Variants in EFCAB6 observed in about 807,000 individuals in gnomAD.
EFCAB6 encodes the protein EF-hand calcium binding domain 6, also known as EF-hand calcium-binding domain-containing protein 6.
EFCAB6 carries 156 observed loss-of-function variants against 169.8 expected under a neutral mutation model. The observed-to-expected ratio is 0.92, with a 90% CI of 0.81 to 1.05. The LOEUF (loss-of-function observed/expected upper bound fraction) is 1.05, where lower values mean the gene tolerates loss of function less well. Ranked by LOEUF, EFCAB6 falls within the 50% of genes least tolerant of loss-of-function variation. The pLI is 0.00. For synonymous variants in EFCAB6, 698 were observed against 676.4 expected, an observed-to-expected ratio of 1.03 and a Z score of -0.50; for missense variants, 1,800 against 1,829.1, an observed-to-expected ratio of 0.98 and a Z score of 0.29.
intron 3 of EFCAB6, 93 bp downstream of exon 3, chr22:43,782,087 G>A (rs2061839891): frequency 7.9e-7 from 1 of 1,267,822 alleles, no homozygotes; most frequent in South Asian, 1.5e-5. Context: ...AGGATTAAAT[G>A]TCATATGAGT....
intron 11 of EFCAB6, among the ~76,000 whole-genome samples, chr22:43,684,761 A>G (rs1007299106): frequency 2.0e-5 from 3 of 152,180 alleles, no homozygotes; most frequent in Non-Finnish European, 4.4e-5. Context: ...TTCTTTTTCT[A>G]TAGACGGCCA....
chr22:43,562,472 C>T (rs986670170), intron 26 of EFCAB6, among the ~76,000 whole-genome samples: 1 of 152,038 alleles, frequency 6.6e-6, no homozygotes, highest in Non-Finnish European at 1.5e-5. Context: ...TAGGAATCAC[C>T]CAACAGGCTG....
intron 19 of EFCAB6, among the ~76,000 whole-genome samples, chr22:43,627,491 T>C (rs758915797): frequency 3.3e-5 from 5 of 152,236 alleles, no homozygotes; most frequent in Non-Finnish European, 7.3e-5. Flanking sequence ...AATTTGCTAA[T>C]GATGCAAAGT....
At chr22:43,688,880 C>T (rs960009855) in intron 10 of EFCAB6, among the ~76,000 whole-genome samples, 4 of 152,198 alleles carry the variant, frequency 2.6e-5, no homozygotes, top group African/African-American at 7.2e-5. Flanking sequence ...ACAGACTGCC[C>T]TGTTTTGATT....
At chr22:43,794,138 T>C (rs139081006) in intron 2 of EFCAB6, among the ~76,000 whole-genome samples, 43 of 152,266 alleles carry the variant, frequency 2.8e-4, no homozygotes, top group African/African-American at 9.4e-4. Flanking sequence ...CTGAAGTTGA[T>C]TGATAAGTAT....
chr22:43,586,138 G>A (rs2051047887), intron 24 of EFCAB6, among the ~76,000 whole-genome samples: 1 of 151,982 alleles, frequency 6.6e-6, no homozygotes. Context: ...GTTGATCAAT[G>A]GAGTAATAAT....
At chr22:43,577,007 T>C (rs1431623498) in intron 25 of EFCAB6, among the ~76,000 whole-genome samples, 1 of 152,168 alleles carries the variant, frequency 6.6e-6, no homozygotes, top group Non-Finnish European at 1.5e-5. Flanking sequence ...GGGACCACCC[T>C]GACCCCACCC....
intron 19 of EFCAB6, among the ~76,000 whole-genome samples, chr22:43,631,289 A>G (rs2054922856): frequency 1.4e-5 from 2 of 147,504 alleles, no homozygotes; most frequent in South Asian, 4.3e-4. Context: ...AACTTTATTC[A>G]CCCTCTTTTA....
chr22:43,744,021 G>GATGA lies in EFCAB6; in HGVS notation c.508-8032_508-8029dup, dbSNP rs200830766. On this transcript the variant is annotated intron_variant, in intron 6 of 31. Coordinates refer to ENST00000262726, the MANE Select transcript of EFCAB6 (RefSeq NM_022785.4). The surrounding 1 kb of genome is among the most constrained non-coding windows in gnomAD (Gnocchi z 4.3). Reference sequence around the variant, plus strand: ...TGAATGAATGGATGAAGGGATGAATGATGAATGAATGAATGAATGAATGGG... The same window carrying GATGA: ...TGAATGAATGGATGAAGGGATGAATGATGAATGAATGAATGAATGAATGAATGGG... Among the ~76,000 whole-genome samples, 15 of 151,510 alleles carry GATGA rather than the reference G, an allele frequency of 9.9e-5. No individual in the cohort carries two copies. Among genetic ancestry groups the GATGA allele is most frequent in the South Asian group, 8.3e-4 (4 of 4,792 alleles).
At chr22:43,796,800 G>T (rs2062526514) in intron 2 of EFCAB6, among the ~76,000 whole-genome samples, 3 of 152,200 alleles carry the variant, frequency 2.0e-5, no homozygotes, top group Non-Finnish European at 4.4e-5. Flanking sequence ...CAGCTTCAGG[G>T]TTCAGGAACT....
chr22:43,649,110 G>T (rs1002159128), intron 17 of EFCAB6, among the ~76,000 whole-genome samples: 1 of 152,178 alleles, frequency 6.6e-6, no homozygotes, highest in South Asian at 2.1e-4. Flanking sequence ...GCCCGAGGGG[G>T]AAAAAAGTCC....
intron 10 of EFCAB6, among the ~76,000 whole-genome samples, chr22:43,704,143 A>G (rs368279558): frequency 1.3e-5 from 2 of 152,168 alleles, no homozygotes; most frequent in African/African-American, 4.8e-5. Flanking sequence ...AACATATCAC[A>G]TACAAAGAGG....
At chr22:43,797,526 T>C (rs2062555614) in intron 2 of EFCAB6, among the ~76,000 whole-genome samples, 1 of 152,020 alleles carries the variant, frequency 6.6e-6, no homozygotes, top group Non-Finnish European at 1.5e-5. Flanking sequence ...TCACACTAAA[T>C]TGTAGGATTC....
At chr22:43,607,220 G>A (rs1232099048) in intron 22 of EFCAB6, among the ~76,000 whole-genome samples, 2 of 152,140 alleles carry the variant, frequency 1.3e-5, no homozygotes, top group Non-Finnish European at 2.9e-5. Context: ...CAGACAGGTG[G>A]CCTGCTGAAC....
At position 43,537,240 on chromosome 22, in the gene EFCAB6, C is replaced by T. The variant is rs1602115125; in HGVS notation, c.4048+137G>A. 9.1e-7 allele frequency: 1 copy of T among 1,104,134 alleles called. No individual in the cohort carries two copies. Among genetic ancestry groups the T allele is most frequent in the East Asian group, 2.4e-5 (1 of 41,988 alleles). 68.4% of individuals were successfully genotyped at this position (1,104,134 alleles called of 1,614,324 possible). ...CCTTTGTATAGTAAGCTGCACAGCC[C>T]ACCCAGAAGTTCCCACCAGTTTCCT... On this transcript the variant is annotated intron_variant, in intron 29 of 31. Transcript: ENST00000262726. This position sits in a 1 kb window ranked among gnomAD's most constrained non-coding sequence, Gnocchi z 4.3.
At chr22:43,569,225 G>C (rs1280249621) in intron 26 of EFCAB6, among the ~76,000 whole-genome samples, 9 of 152,232 alleles carry the variant, frequency 5.9e-5, no homozygotes, top group Non-Finnish European at 2.9e-5. Flanking sequence ...AGCCAATCGG[G>C]ACTTGGGAGA....
chr22:43,615,761 T>C (rs1397873175), intron 21 of EFCAB6, 65 bp downstream of exon 21: 2 of 1,410,882 alleles, frequency 1.4e-6, no homozygotes, highest in African/African-American at 1.4e-5. Flanking sequence ...AGCTTCATCA[T>C]CCCAGTGATC....
chr22:43,679,465 GTGTGGACA>G lies in EFCAB6; in HGVS notation c.1252-1310_1252-1303del, dbSNP rs1000892896. Among the ~76,000 whole-genome samples, 24 of 152,288 alleles carry G rather than the reference GTGTGGACA, an allele frequency of 1.6e-4. 1 individual carries two copies. Among genetic ancestry groups the G allele is most frequent in the African/African-American group, 5.5e-4 (23 of 41,560 alleles). ...TATGAACATTTGTTCACAAGTCTTT[GTGTGGACA>G]TGTTTTTATTTCTCTTGGGCAGATA... is the stretch of plus-strand genomic sequence containing the variant. On this transcript the variant is annotated intron_variant, in intron 12 of 31. Transcript: ENST00000262726.
At position 43,682,579 on chromosome 22, in the gene EFCAB6, C is replaced by A. The variant is rs1174716327; in HGVS notation, c.1251+1168G>T. 2.0e-5 allele frequency among the ~76,000 whole-genome samples: 3 copies of A among 152,144 alleles called. No individual in the cohort carries two copies. In the East Asian group the frequency reaches 5.8e-4, roughly 29 times the overall value. On this transcript the variant is annotated intron_variant, in intron 12 of 31. Transcript: ENST00000262726. The stretch of plus-strand genomic sequence containing the variant: ...CTCAGCCAGCAGGGTCCTGGGCAGC[C>A]CTGACCAGTGCTGGAGTGTGGCTGC...
Sources: allele counts gnomAD v4.1 joint callset (sites outside exome capture counted in the v4.1 genomes callset), GRCh38; gene constraint gnomAD v4.1.1; non-coding constraint Gnocchi (gnomAD v3.1); transcripts MANE v1.5; gene names NCBI Gene and HGNC (gene_info 2026-07-23, HGNC 2026-07-21).